Variants in CCDC42 observed in about 807,000 individuals in gnomAD.
CCDC42 encodes coiled-coil domain containing 42.
CCDC42 carries 38 observed loss-of-function variants against 40.8 expected under a neutral mutation model. The observed-to-expected ratio is 0.93, with a 90% CI of 0.72 to 1.22. CCDC42 has a LOEUF of 1.22. Among genes scored for constraint, CCDC42 ranks in the 50% most tolerant of loss-of-function variants. The pLI, the probability that CCDC42 is intolerant of heterozygous loss-of-function variation, is 0.00. For synonymous variants in CCDC42, 135 were observed against 157.5 expected (o/e 0.86, Z 1.07); for missense variants, 379 against 416.5 (o/e 0.91, Z 0.78).
In CCDC42 at chr17:8,735,295, G is replaced by C. The variant is rs369861323; in HGVS notation, c.715-41C>G. 7 of 1,603,756 alleles carry C rather than the reference G, an allele frequency of 4.4e-6. No individual in the cohort carries two copies. Among genetic ancestry groups the C allele is most frequent in the African/African-American group, 1.3e-5 (1 of 74,726 alleles). On this transcript the variant is annotated intron_variant, in intron 5 of 6. Transcript: ENST00000293845. The surrounding 1 kb of genome is among the most constrained non-coding windows in gnomAD (Gnocchi z 4.7). ...GGACGGGGCATGAGCACAGCATGTG[G>C]TGTGTGTGTGTTTGTGTGTATGTGT...
At chr17:8,742,864 A>G (rs533828060) in intron 3 of CCDC42, among the ~76,000 whole-genome samples, 1 of 152,332 alleles carries the variant, frequency 6.6e-6, no homozygotes, top group East Asian at 1.9e-4. Context: ...CCATTTGGAG[A>G]ATGCCTCACG....
rs2086571457 is a variant in CCDC42, at chr17:8,730,190, T to G, written c.891A>C (p.Gln297His). Residue 297 changes from glutamine (Q) to histidine (H), a missense_variant, in exon 7 of 7, where the codon CAA (glutamine) becomes CAC (histidine). By Grantham distance (24) the Gln-to-His change is conservative. Coordinates refer to ENST00000293845, the MANE Select transcript of CCDC42 (RefSeq NM_144681.3). ...CCTCTGCCCAGATGTCCGACCGGTC[T>G]TGGATAAATTGCTGGATCTAGAAAG... ...KQLDMIQQFI[Q>H]DRSDIWAEVK... The G allele has an allele frequency of 6.2e-7, 1 of 1,613,866 alleles. No individual in the cohort carries two copies.
chr17:8,739,200 C>T (rs971634243), intron 4 of CCDC42, among the ~76,000 whole-genome samples: 3 of 152,104 alleles, frequency 2.0e-5, no homozygotes, highest in Non-Finnish European at 4.4e-5. Context: ...CCACTGGTGG[C>T]CTGGATGAGG....
intron 4 of CCDC42, among the ~76,000 whole-genome samples, chr17:8,736,889 G>A (rs530202526): frequency 6.6e-6 from 1 of 151,452 alleles, no homozygotes; most frequent in East Asian, 1.9e-4. Flanking sequence ...TTCAAGATGG[G>A]GAGGGAGAGA....
chr17:8,744,564 G>A lies in CCDC42; in HGVS notation c.46C>T (p.Arg16Trp), dbSNP rs7221644. 22 of 1,612,596 alleles carry A rather than the reference G, an allele frequency of 1.4e-5. No individual in the cohort carries two copies. The highest frequency in any genetic ancestry group is 6.7e-5 in the African/African-American group (5 of 75,004). Residue 16 changes from arginine (R) to tryptophan (W), a missense_variant, in exon 1 of 7, where the codon CGG becomes TGG. Physicochemically the swap from Arg to Trp is moderately radical, Grantham distance 101 (BLOSUM62 -3). Transcript: ENST00000293845. ...AGCAGCCGCTCCCCATACTGCAGCC[G>A]GAAGTACTCGGCCAGGTCTTCCTCT... ...MEEEDLAEYF[R>W]LQYGERLLQM...
Position 8,735,639 on chromosome 17 carries a change from C to CAG in CCDC42, c.493-30_493-29dup. Reference sequence around the variant, plus strand: ...GTGGTCAGGGGCTCAGGTCAATGCACAGCCAGCCCCTGGGGCCTGAGGGAG... The same window carrying CAG: ...GTGGTCAGGGGCTCAGGTCAATGCACAGAGCCAGCCCCTGGGGCCTGAGGGAG... On this transcript the variant is annotated intron_variant, in intron 4 of 6. Transcript: ENST00000293845. The surrounding 1 kb of genome is among the most constrained non-coding windows in gnomAD (Gnocchi z 4.7). 2 of 1,591,090 alleles carry CAG rather than the reference C, an allele frequency of 1.3e-6. No homozygotes were observed. The highest frequency in any genetic ancestry group is 1.7e-4 in the Middle Eastern group (1 of 6,012).
intron 4 of CCDC42, among the ~76,000 whole-genome samples, chr17:8,736,926 AAGC>A (rs2086614595): frequency 1.3e-5 from 2 of 150,432 alleles, no homozygotes; most frequent in Admixed American, 1.3e-4. Context: ...AGGAAGAAGA[AAGC>A]AGAAGAAGAA....
At chr17:8,734,245 T>C (rs1452623376) in intron 6 of CCDC42, among the ~76,000 whole-genome samples, 1 of 152,242 alleles carries the variant, frequency 6.6e-6, no homozygotes, top group African/African-American at 2.4e-5. Flanking sequence ...TTTTCTGTTT[T>C]AATTTCTATT....
chr17:8,744,401 G>A (rs2086665095), intron 1 of CCDC42, 126 bp downstream of exon 1: 1 of 841,550 alleles, frequency 1.2e-6, no homozygotes, highest in South Asian at 1.5e-5. Flanking sequence ...GTGGACTGGT[G>A]CCAAGGTTAT....
chr17:8,742,670 G>C (rs1173394697), intron 3 of CCDC42, among the ~76,000 whole-genome samples: 1 of 152,226 alleles, frequency 6.6e-6, no homozygotes, highest in East Asian at 1.9e-4. Context: ...CCCAGGACAG[G>C]ACTGAGGGAG....
intron 6 of CCDC42, among the ~76,000 whole-genome samples, chr17:8,734,057 C>A (rs538423133): frequency 6.6e-6 from 1 of 152,168 alleles, no homozygotes; most frequent in African/African-American, 2.4e-5. Flanking sequence ...CAGGAGTGGA[C>A]ATGAGCACCG....
chr17:8,734,639 G>C (rs934234106), intron 6 of CCDC42, among the ~76,000 whole-genome samples: 1 of 152,190 alleles, frequency 6.6e-6, no homozygotes, highest in South Asian at 2.1e-4. Flanking sequence ...TTACAGGCAT[G>C]AGCCACCGTG....
intron 6 of CCDC42, 146 bp from the exon 7 acceptor site, chr17:8,730,353 T>A (rs1247246347): frequency 3.4e-6 from 2 of 587,256 alleles, no homozygotes; most frequent in East Asian, 3.1e-5. Flanking sequence ...TTATTTATTT[T>A]TTTGATACAA....
intron 6 of CCDC42, among the ~76,000 whole-genome samples, chr17:8,732,105 C>G (rs1371391131): frequency 1.3e-5 from 2 of 152,004 alleles, no homozygotes; most frequent in Non-Finnish European, 2.9e-5. Context: ...TCGAGACCAC[C>G]CTGGCTAACA....
intron 4 of CCDC42, among the ~76,000 whole-genome samples, chr17:8,739,895 G>GCC (rs149149374): frequency 1.3e-5 from 2 of 151,918 alleles, no homozygotes; most frequent in Non-Finnish European, 2.9e-5. Context: ...CTTACTTCCT[G>GCC]CCCCCCCAAC....
intron 2 of CCDC42, 36 bp from the exon 3 acceptor site, chr17:8,743,766 A>C: frequency 8.0e-7 from 1 of 1,250,872 alleles, no homozygotes; most frequent in Non-Finnish European, 1.2e-6. Flanking sequence ...AGAGGTCAGG[A>C]GGGCTCCTGA....
rs59359155 is a variant in CCDC42 at position 8,740,270 on chromosome 17, C to A, written c.492+1204G>T. On this transcript the variant is annotated intron_variant, in intron 4 of 6. Coordinates refer to ENST00000293845, the MANE Select transcript of CCDC42 (RefSeq NM_144681.3). ...CTTTGGGAGCCCAAGGCAGGCGGAT[C>A]ACGAGGTCAGGAGTTCGAGACCAGC... 2.9e-3 allele frequency among the ~76,000 whole-genome samples: 435 copies of A among 152,154 alleles called. 1 individual carries two copies. Among genetic ancestry groups the A allele is most frequent in the African/African-American group, 9.9e-3 (412 of 41,500 alleles).
intron 6 of CCDC42, among the ~76,000 whole-genome samples, chr17:8,730,585 C>T (rs1357527544): frequency 6.6e-6 from 1 of 152,180 alleles, no homozygotes; most frequent in African/African-American, 2.4e-5. Flanking sequence ...AGTGATCCAC[C>T]CGCCTCAGCC....
At chr17:8,738,506 C>T (rs1282804569) in intron 4 of CCDC42, among the ~76,000 whole-genome samples, 1 of 147,870 alleles carries the variant, frequency 6.8e-6, no homozygotes, top group African/African-American at 2.5e-5. Context: ...AGCTCTGTCA[C>T]CCAGGCTGGA....
Sources: gnomAD v4.1 joint callset for allele counts (sites outside exome capture counted in the v4.1 genomes callset) on GRCh38, gnomAD v4.1.1 for gene constraint, Gnocchi (gnomAD v3.1) non-coding constraint, MANE v1.5 for transcripts, NCBI Gene and HGNC (gene_info 2026-07-23, HGNC 2026-07-21) for gene names.